Variants in TRPM7 observed in about 807,000 individuals in gnomAD.
TRPM7 encodes the protein LTRPC ion channel family member 7.
A neutral mutation model predicts 229.7 loss-of-function variants in TRPM7; 134 were observed. The observed-to-expected ratio is 0.58, with a 90% CI of 0.51 to 0.67. The LOEUF (loss-of-function observed/expected upper bound fraction) is 0.67, where lower values mean the gene tolerates loss of function less well. TRPM7 is among the 30% of genes least tolerant of loss of function. TRPM7 has a pLI of 0.00. For missense variants in TRPM7, 1,901 were observed against 2,210.0 expected, an observed-to-expected ratio of 0.86 and a Z score of 2.80; for synonymous variants, 699 against 715.2, an observed-to-expected ratio of 0.98 and a Z score of 0.36.
Position 50,626,606 on chromosome 15 carries a change from A to C in TRPM7, c.1305+1543T>G, listed in dbSNP as rs116400124. The stretch of plus-strand genomic sequence containing the variant: ...ATCAGACAAACCACATATACACAGA[A>C]GATAAATGCTTCATCCAAGCCTTTA... On this transcript the variant is annotated intron_variant, in intron 11 of 38. Coordinates refer to ENST00000646667, the MANE Select transcript of TRPM7 (RefSeq NM_017672.6). Among the ~76,000 whole-genome samples, 616 of 152,322 alleles carry C rather than the reference A, an allele frequency of 4.0e-3. 4 individuals carry two copies. The highest frequency in any genetic ancestry group is 0.014 in the African/African-American group (582 of 41,572).
chr15:50,561,963 C>A (rs535044617), intron 38 of TRPM7, among the ~76,000 whole-genome samples, 155 bp from the exon 39 acceptor site: 2 of 152,238 alleles, frequency 1.3e-5, no homozygotes, highest in East Asian at 3.9e-4. Context: ...GGCGCGATCT[C>A]GGTTCACTGC....
At chr15:50,597,631 C>A (rs750719381) in intron 22 of TRPM7, among the ~76,000 whole-genome samples, 2 of 152,142 alleles carry the variant, frequency 1.3e-5, no homozygotes, top group Non-Finnish European at 2.9e-5. Flanking sequence ...TAGCAGACAG[C>A]CAGGCGTGAT....
chr15:50,682,221 A>T (rs1291385793), intron 1 of TRPM7, among the ~76,000 whole-genome samples: 2 of 150,636 alleles, frequency 1.3e-5, no homozygotes, highest in Non-Finnish European at 3.0e-5. Context: ...ATATGTCAAG[A>T]GTCAAGTCTT....
At position 50,638,449 on chromosome 15, in the gene TRPM7, T is replaced by C. The variant is rs557463034; in HGVS notation, c.661-856A>G. ...CTGTAATCCTAGCTATTCAGGAGGC[T>C]GAGGCAGGAGAATCACTTGAACCTG... On this transcript the variant is annotated intron_variant, in intron 6 of 38. Transcript: ENST00000646667. 3.5e-3 allele frequency among the ~76,000 whole-genome samples: 493 copies of C among 141,364 alleles called. 5 individuals carry two copies. The highest frequency in any genetic ancestry group is 0.013 in the African/African-American group (478 of 37,630). The allele number at this position is 141,364 out of a possible 152,430, so 92.7% of individuals were successfully genotyped here.
At chr15:50,662,753 T>C (rs899956726) in intron 2 of TRPM7, among the ~76,000 whole-genome samples, 2 of 152,194 alleles carry the variant, frequency 1.3e-5, no homozygotes, top group African/African-American at 4.8e-5. Flanking sequence ...GAAGAGATTG[T>C]ATGCTGTAAA....
chr15:50,624,595 G>C (rs2060505213), intron 11 of TRPM7, among the ~76,000 whole-genome samples: 1 of 152,134 alleles, frequency 6.6e-6, no homozygotes, highest in African/African-American at 2.4e-5. Context: ...TCTTGGGAAA[G>C]AATACCTTAA....
chr15:50,613,887 C>G (rs775338535), intron 14 of TRPM7, 46 bp from the exon 15 acceptor site: 2 of 1,583,074 alleles, frequency 1.3e-6, no homozygotes. Flanking sequence ...AACGTGCTGA[C>G]ATGTTATAAA....
intron 1 of TRPM7, among the ~76,000 whole-genome samples, chr15:50,681,462 C>A (rs1478178747): frequency 6.6e-6 from 1 of 152,066 alleles, no homozygotes; most frequent in African/African-American, 2.4e-5. Flanking sequence ...TAATGTATAG[C>A]CCTATCTTTC....
At chr15:50,611,010 G>C in intron 17 of TRPM7, 83 bp downstream of exon 17, 1 of 1,082,382 alleles carries the variant, frequency 9.2e-7, no homozygotes, top group Non-Finnish European at 1.4e-6. Flanking sequence ...ACACATCAAG[G>C]CATTTTACTA....
At chr15:50,638,439 T>C (rs1224454844) in intron 6 of TRPM7, among the ~76,000 whole-genome samples, 1 of 136,344 alleles carries the variant, frequency 7.3e-6, no homozygotes, top group Non-Finnish European at 1.5e-5. Flanking sequence ...ATCCTAGCTA[T>C]TCAGGAGGCT....
chr15:50,565,767 T>C (rs923058250), intron 38 of TRPM7, among the ~76,000 whole-genome samples: 2 of 151,702 alleles, frequency 1.3e-5, no homozygotes, highest in South Asian at 2.1e-4. Flanking sequence ...CATCCAACAA[T>C]AGCAGAATAT....
intron 5 of TRPM7, among the ~76,000 whole-genome samples, chr15:50,640,453 CTTTTTTTTTTTT>C (rs71124399): frequency 2.3e-5 from 3 of 131,426 alleles, no homozygotes; most frequent in Non-Finnish European, 4.9e-5. Flanking sequence ...ATTTTTTTTT[CTTTTTTTTTTTT>C]TTTTTAGAAA....
At chr15:50,677,871 C>T (rs1252368725) in intron 1 of TRPM7, among the ~76,000 whole-genome samples, 4 of 150,238 alleles carry the variant, frequency 2.7e-5, no homozygotes, top group Non-Finnish European at 5.9e-5. Flanking sequence ...TTCAAAAGAA[C>T]GGTAATCAAA....
chr15:50,624,973 T>C (rs2060514222), intron 11 of TRPM7, among the ~76,000 whole-genome samples: 1 of 152,180 alleles, frequency 6.6e-6, no homozygotes, highest in South Asian at 2.1e-4. Context: ...TTGACAGCAA[T>C]ACAACTTATG....
In TRPM7 at chr15:50,657,715, A is replaced by G. The variant is rs868260941; in HGVS notation, c.122+66T>C. The G allele has an allele frequency of 5.7e-6, 8 of 1,395,678 alleles. No individual in the cohort carries two copies. In the Middle Eastern group the frequency reaches 7.2e-4, roughly 125 times the overall value. 86.5% of individuals were successfully genotyped at this position (1,395,678 alleles called of 1,614,324 possible). A position where few individuals can be genotyped will look rare whatever the true frequency, so the allele number is the denominator to read the frequency against. On this transcript the variant is annotated intron_variant, in intron 3 of 38. Coordinates refer to ENST00000646667, the MANE Select transcript of TRPM7 (RefSeq NM_017672.6). ...GTTTCATGCCACTGTGTTCTAACTC[A>G]TATTTCTAATAGATTAGTTTTATTT...
intron 3 of TRPM7, among the ~76,000 whole-genome samples, chr15:50,653,277 C>G (rs1158041999): frequency 6.6e-6 from 1 of 152,150 alleles, no homozygotes; most frequent in Non-Finnish European, 1.5e-5. Context: ...ATAGTGAGAC[C>G]CCGTTCTCCA....
chr15:50,579,351 T>G lies in TRPM7; in HGVS notation c.4593-687A>C, dbSNP rs549092852. Among the ~76,000 whole-genome samples the G allele has an allele frequency of 5.9e-5, 9 of 152,272 alleles. No individual in the cohort carries two copies. The East Asian group carries it at 1.5e-3, about 26-fold the overall frequency. ...CCAGATCCAGAAAGGACCTTGGGAGTAGATAACCTGTCTCTTTCCAGCTCC... is the reference window on the plus strand; with the variant it reads ...CCAGATCCAGAAAGGACCTTGGGAGGAGATAACCTGTCTCTTTCCAGCTCC... On this transcript the variant is annotated intron_variant, in intron 30 of 38. Coordinates refer to ENST00000646667, the MANE Select transcript of TRPM7 (RefSeq NM_017672.6).
chr15:50,680,655 T>C (rs1262507119), intron 1 of TRPM7, among the ~76,000 whole-genome samples: 2 of 151,884 alleles, frequency 1.3e-5, no homozygotes, highest in African/African-American at 2.4e-5. Context: ...GTAAAGGAAA[T>C]TCTATTAGGT....
intron 12 of TRPM7, among the ~76,000 whole-genome samples, chr15:50,623,077 C>T (rs2060455793): frequency 6.6e-6 from 1 of 152,080 alleles, no homozygotes; most frequent in South Asian, 2.1e-4. Context: ...GGAAGCAAAA[C>T]AGACCAGCAC....
Sources: gnomAD v4.1 joint callset for allele counts (sites outside exome capture counted in the v4.1 genomes callset) on GRCh38, gnomAD v4.1.1 for gene constraint, MANE v1.5 for transcripts, NCBI Gene and HGNC (gene_info 2026-07-23, HGNC 2026-07-21) for gene names.